Variants in SCAPER observed in about 807,000 individuals in gnomAD.
SCAPER encodes S-phase cyclin A associated protein in the ER, also known as S phase cyclin A-associated protein in the endoplasmic reticulum.
SCAPER carries 98 observed loss-of-function variants against 182.2 expected under a neutral mutation model. That is an observed-to-expected ratio of 0.54 (90% CI 0.46 to 0.64). The LOEUF is 0.64. Among genes scored for constraint, SCAPER ranks in the 30% least tolerant of loss-of-function variants. The pLI, the probability that SCAPER is intolerant of heterozygous loss-of-function variation, is 0.00. For missense variants in SCAPER, 1,432 were observed against 1,690.0 expected, an observed-to-expected ratio of 0.85 and a Z score of 2.68; for synonymous variants, 605 against 564.6, an observed-to-expected ratio of 1.07 and a Z score of -1.01.
At chr15:76,533,056 C>T (rs955608689) in intron 23 of SCAPER, among the ~76,000 whole-genome samples, 3 of 152,088 alleles carry the variant, frequency 2.0e-5, no homozygotes, top group Non-Finnish European at 4.4e-5. Flanking sequence ...CAGAAATGAT[C>T]AATTATTATG....
At chr15:76,407,213 A>G (rs934023864) in intron 26 of SCAPER, among the ~76,000 whole-genome samples, 10 of 152,242 alleles carry the variant, frequency 6.6e-5, no homozygotes, top group Non-Finnish European at 1.2e-4. Context: ...CCTAGGCTAT[A>G]TGGGATAGCC....
chr15:76,348,512 A>G lies in SCAPER; in HGVS notation c.*121T>C. On this transcript the variant is annotated 3_prime_UTR_variant, in exon 32 of 32. Coordinates refer to ENST00000563290, the MANE Select transcript of SCAPER (RefSeq NM_020843.4). ...ATAAATAGTGTAAAGTACATGCCAT[A>G]TCTACAGTGTGGGAAGAGTATAAAC... is the stretch of plus-strand genomic sequence containing the variant. 1 of 621,352 alleles carries G rather than the reference A, an allele frequency of 1.6e-6. No individual in the cohort carries two copies. Among genetic ancestry groups the G allele is most frequent in the East Asian group, 2.8e-5 (1 of 35,112 alleles). 38.5% of individuals were successfully genotyped at this position (621,352 alleles called of 1,614,324 possible). A position where few individuals can be genotyped will look rare whatever the true frequency, so the allele number is the denominator to read the frequency against.
chr15:76,858,777 C>T (rs1225029097), intron 3 of SCAPER, among the ~76,000 whole-genome samples: 1 of 152,038 alleles, frequency 6.6e-6, no homozygotes, highest in African/African-American at 2.4e-5. Context: ...CCAGCTCCAT[C>T]CATATTGCTG....
chr15:76,545,035 T>C (rs2045136107), intron 23 of SCAPER, among the ~76,000 whole-genome samples: 1 of 152,190 alleles, frequency 6.6e-6, no homozygotes, highest in African/African-American at 2.4e-5. Context: ...TGATAAATAC[T>C]TGGCTTCTTC....
chr15:76,656,577 C>T (rs2055654759), intron 21 of SCAPER, among the ~76,000 whole-genome samples: 1 of 152,080 alleles, frequency 6.6e-6, no homozygotes, highest in African/African-American at 2.4e-5. Flanking sequence ...ACTCTCCACC[C>T]CAAAACAACA....
At chr15:76,607,195 C>G (rs2050504231) in intron 22 of SCAPER, among the ~76,000 whole-genome samples, 1 of 152,152 alleles carries the variant, frequency 6.6e-6, no homozygotes, top group African/African-American at 2.4e-5. Flanking sequence ...TTCAGGAGCT[C>G]TTTTAGGGCA....
At chr15:76,801,394 T>C (rs2065778342) in intron 6 of SCAPER, among the ~76,000 whole-genome samples, 1 of 152,202 alleles carries the variant, frequency 6.6e-6, no homozygotes, top group Non-Finnish European at 1.5e-5. Context: ...TCTTACAAAG[T>C]CCTCACACGC....
rs2042938153 is a variant in SCAPER at position 76,381,480 on chromosome 15, A to T, written c.3603T>A (p.Thr1201=). 1 of 1,613,730 alleles carries T rather than the reference A, an allele frequency of 6.2e-7. No homozygotes were observed. Among genetic ancestry groups the T allele is most frequent in the Non-Finnish European group, 8.5e-7 (1 of 1,179,870 alleles). ...LFHGTILDPS[T]ASPKENYTQN... is the part of the protein sequence containing the mutation. ...GAGTGTAATTCTCCTTGGGACTGGC[A>T]GTGCTGGGGTCCAAGATGGTGCCAT... The change falls in exon 28 of 32, where the codon ACT becomes ACA. Residue 1201 remains threonine (T), a synonymous_variant. Coordinates refer to ENST00000563290, the MANE Select transcript of SCAPER (RefSeq NM_020843.4).
intron 28 of SCAPER, among the ~76,000 whole-genome samples, chr15:76,377,340 T>G (rs1297399093): frequency 1.3e-5 from 2 of 152,168 alleles, no homozygotes; most frequent in Non-Finnish European, 2.9e-5. Flanking sequence ...CAAAGAGACT[T>G]CAGAAGGACT....
intron 15 of SCAPER, among the ~76,000 whole-genome samples, chr15:76,740,418 T>G (rs2061479055): frequency 6.6e-6 from 1 of 152,166 alleles, no homozygotes; most frequent in South Asian, 2.1e-4. Flanking sequence ...AACATCACCA[T>G]CAAGAATATC....
chr15:76,389,982 G>A (rs1171945051), intron 27 of SCAPER, among the ~76,000 whole-genome samples: 2 of 151,798 alleles, frequency 1.3e-5, no homozygotes, highest in Non-Finnish European at 2.9e-5. Flanking sequence ...TTTGAGGCAG[G>A]GTCTTGCTCT....
intron 7 of SCAPER, among the ~76,000 whole-genome samples, chr15:76,796,663 C>T (rs1017030829): frequency 1.3e-5 from 2 of 152,168 alleles, no homozygotes; most frequent in Non-Finnish European, 2.9e-5. Flanking sequence ...AGAACTTTTA[C>T]CACACACGAA....
At chr15:76,656,172 C>G (rs1327180999) in intron 21 of SCAPER, among the ~76,000 whole-genome samples, 1 of 152,146 alleles carries the variant, frequency 6.6e-6, no homozygotes, top group Non-Finnish European at 1.5e-5. Flanking sequence ...ATCTCACAAG[C>G]AGTGATAGCC....
intron 1 of SCAPER, among the ~76,000 whole-genome samples, chr15:76,900,595 T>C (rs1268495503): frequency 6.6e-6 from 1 of 152,146 alleles, no homozygotes; most frequent in East Asian, 1.9e-4. Flanking sequence ...AGAACTGAAG[T>C]CTCACTTGTC....
intron 4 of SCAPER, among the ~76,000 whole-genome samples, chr15:76,845,401 T>C (rs919878218): frequency 1.3e-5 from 2 of 151,720 alleles, no homozygotes; most frequent in African/African-American, 4.8e-5. Flanking sequence ...AAAGAAATAA[T>C]TGGAAAGGAA....
At chr15:76,672,090 G>A (rs1468545099) in intron 20 of SCAPER, among the ~76,000 whole-genome samples, 1 of 152,154 alleles carries the variant, frequency 6.6e-6, no homozygotes, top group East Asian at 1.9e-4. Flanking sequence ...AAACTGCTGG[G>A]AAAGGAATTT....
Position 76,604,982 on chromosome 15 carries a change from C to T in SCAPER, c.2711+16782G>A, listed in dbSNP as rs190512571. The stretch of plus-strand genomic sequence containing the variant: ...TCATGTCATCTGCAAACAGGGACAA[C>T]TTGACTTCCTCTTTTCCTAATTGAA... On this transcript the variant is annotated intron_variant, in intron 22 of 31. Transcript: ENST00000563290. Among the ~76,000 whole-genome samples, 868 of 152,194 alleles carry T rather than the reference C, an allele frequency of 5.7e-3. 8 individuals are homozygous for T. The highest frequency in any genetic ancestry group is 0.02 in the African/African-American group (819 of 41,536).
intron 5 of SCAPER, among the ~76,000 whole-genome samples, chr15:76,807,912 A>G (rs1321622990): frequency 6.6e-6 from 1 of 152,002 alleles, no homozygotes; most frequent in Non-Finnish European, 1.5e-5. Context: ...GTAAATTTTC[A>G]TTTTACAAAA....
chr15:76,779,693 C>T (rs2063975061), intron 8 of SCAPER, among the ~76,000 whole-genome samples: 1 of 135,544 alleles, frequency 7.4e-6, no homozygotes, highest in Non-Finnish European at 1.6e-5. Context: ...TTATGCAAAG[C>T]TAATATTGTT....
Sources: allele counts gnomAD v4.1 joint callset (sites outside exome capture counted in the v4.1 genomes callset), GRCh38; gene constraint gnomAD v4.1.1; transcripts MANE v1.5; gene names NCBI Gene and HGNC (gene_info 2026-07-23, HGNC 2026-07-21).